PAFAH1B3: variants seen among roughly 807,000 people sequenced by gnomAD.
PAFAH1B3 encodes platelet-activating factor acetylhydrolase IB subunit alpha1.
A neutral mutation model predicts 24.4 loss-of-function variants in PAFAH1B3; 15 were observed. The observed-to-expected ratio is 0.62, with a 90% confidence interval of 0.41 to 0.95. PAFAH1B3 has a LOEUF of 0.95. PAFAH1B3 is among the 40% of genes least tolerant of loss of function. The pLI, the probability that PAFAH1B3 is intolerant of heterozygous loss-of-function variation, is 0.00. For synonymous variants in PAFAH1B3, 144 were observed against 126.5 expected (o/e 1.14, Z -0.93); for missense variants, 266 against 312.2 (o/e 0.85, Z 1.12).
chr19:42,299,117 G>A (rs1026388404), intron 4 of PAFAH1B3, among the ~76,000 whole-genome samples: 2 of 145,846 alleles, frequency 1.4e-5, no homozygotes, highest in Admixed American at 6.9e-5. Context: ...CACCGCACCC[G>A]GCTTTTTTTT....
intron 4 of PAFAH1B3, among the ~76,000 whole-genome samples, chr19:42,298,906 C>T (rs372170219): frequency 6.4e-4 from 97 of 151,632 alleles, no homozygotes; most frequent in African/African-American, 2.2e-3. Flanking sequence ...CTCCGCCCCC[C>T]GGGTTCATGC....
rs2038537259 is a variant in PAFAH1B3, at chr19:42,297,174, G to A, written c.600C>T (p.Gly200=). 3 of 1,614,010 alleles carry A rather than the reference G, an allele frequency of 1.9e-6. No homozygotes were observed. The highest frequency in any genetic ancestry group is 2.7e-5 in the African/African-American group (2 of 74,920). Reference sequence around the variant, plus strand: ...GCAGAGCCCGGCAAACAGGTGTGTAGCCCAGGCGGCTCAGATGCAGGTAAT... The same window carrying A: ...GCAGAGCCCGGCAAACAGGTGTGTAACCCAGGCGGCTCAGATGCAGGTAAT... ...MYDYLHLSRL[G]YTPVCRALHS... Residue 200 remains glycine, a synonymous_variant, in exon 5 of 5, where the codon GGC becomes GGT. Coordinates refer to ENST00000262890, the MANE Select transcript of PAFAH1B3 (RefSeq NM_002573.4).
At chr19:42,302,066 A>G in intron 1 of PAFAH1B3, 27 bp from the exon 2 acceptor site, 1 of 1,552,466 alleles carries the variant, frequency 6.4e-7, no homozygotes, top group Non-Finnish European at 8.7e-7. Flanking sequence ...GAGGGAGTCA[A>G]TGGCATGCAC....
intron 2 of PAFAH1B3, among the ~76,000 whole-genome samples, chr19:42,300,878 G>A (rs568431044): frequency 1.1e-3 from 167 of 152,122 alleles, no homozygotes; most frequent in Non-Finnish European, 2.0e-3. Flanking sequence ...GCAGTAGTGC[G>A]ATCTCGGCTC....
chr19:42,301,243 A>G (rs1406269431), intron 2 of PAFAH1B3, among the ~76,000 whole-genome samples: 1 of 152,180 alleles, frequency 6.6e-6, no homozygotes, highest in Non-Finnish European at 1.5e-5. Flanking sequence ...AAAAATTACA[A>G]AAATTAGCCA....
chr19:42,302,599 AC>A lies in PAFAH1B3; in HGVS notation c.-291del. The A allele has an allele frequency of 2.7e-6, 1 of 373,964 alleles. No homozygotes were observed. The highest frequency in any genetic ancestry group is 4.9e-6 in the Non-Finnish European group (1 of 203,862). The allele number at this position is 373,964 out of a possible 1,614,324, so 23.2% of individuals were successfully genotyped here. A position where few individuals can be genotyped will look rare whatever the true frequency, so the allele number is the denominator to read the frequency against. On this transcript the variant is annotated 5_prime_UTR_variant, in exon 1 of 5. Coordinates refer to ENST00000262890, the MANE Select transcript of PAFAH1B3 (RefSeq NM_002573.4). ...CGGGCCGCTGACTCCCAGGCCGCGC[AC>A]CCGGCACGGGGTGGGGGGAGGGAGA... is the stretch of plus-strand genomic sequence containing the variant.
intron 4 of PAFAH1B3, 109 bp from the exon 5 acceptor site, chr19:42,297,474 C>A: frequency 2.5e-6 from 1 of 403,966 alleles, no homozygotes; most frequent in Admixed American, 3.5e-5. Context: ...GCAGAAAACA[C>A]TAGGGATGGG....
chr19:42,300,223 T>C lies in PAFAH1B3; in HGVS notation c.233A>G (p.Gln78Arg). The C allele has an allele frequency of 6.2e-7, 1 of 1,614,186 alleles. No individual in the cohort carries two copies. The highest frequency in any genetic ancestry group is 1.1e-5 in the South Asian group (1 of 91,086). Reference sequence around the variant, plus strand: ...ATTCTCCAGCCGCCACAGTACATGCTGTGTGCCGTCACCACCAATGCCAAA... The same window carrying C: ...ATTCTCCAGCCGCCACAGTACATGCCGTGTGCCGTCACCACCAATGCCAAA... ...LNFGIGGDGT[Q>R]HVLWRLENGE... Residue 78 changes from glutamine (Q) to arginine (R), a missense_variant, in exon 3 of 5, where the codon CAG becomes CGG. Gln to Arg is a conservative substitution (Grantham distance 43). Transcript: ENST00000262890.
chr19:42,299,119 C>CTT (rs530974632), intron 4 of PAFAH1B3, among the ~76,000 whole-genome samples: 16 of 134,632 alleles, frequency 1.2e-4, no homozygotes, highest in South Asian at 4.7e-4. Flanking sequence ...CCGCACCCGG[C>CTT]TTTTTTTTTT....
Position 42,297,093 on chromosome 19 carries a change from C to T in PAFAH1B3, c.681G>A (p.Leu227=). 6.2e-7 allele frequency: 1 copy of T among 1,602,730 alleles called. No individual in the cohort carries two copies. The highest frequency in any genetic ancestry group is 1.3e-5 in the African/African-American group (1 of 74,884). Residue 227 remains leucine (L), a synonymous_variant, in exon 5 of 5, where the codon CTG becomes CTA. Transcript: ENST00000262890. ...AGCAGGATGCTTAGGGTGCGGGCTC[C>T]AGCAGGGGAGCACCTTGGCCCTGGT... ...AQDQGQGAPL[L]EPAP
At chr19:42,299,429 ATT>A (rs891377672) in intron 4 of PAFAH1B3, among the ~76,000 whole-genome samples, 1 of 110,320 alleles carries the variant, frequency 9.1e-6, no homozygotes. Context: ...TGCCCAACTA[ATT>A]TTTTTTTTTT....
At position 42,302,457 on chromosome 19, in the gene PAFAH1B3, T is replaced by C; in HGVS notation, c.-148A>G. On this transcript the variant is annotated 5_prime_UTR_variant, in exon 1 of 5. Transcript: ENST00000262890. The stretch of plus-strand genomic sequence containing the variant: ...CACACCCGCGGAGGACGAAGGCCGA[T>C]ACAGGGCGCCGCCTCCTCTCCAGGG... 1 of 672,824 alleles carries C rather than the reference T, an allele frequency of 1.5e-6. No homozygotes were observed. The highest frequency in any genetic ancestry group is 1.9e-5 in the South Asian group (1 of 51,536). The allele number at this position is 672,824 out of a possible 1,614,324, so 41.7% of individuals were successfully genotyped here.
Position 42,302,277 on chromosome 19 carries a change from G to C in PAFAH1B3, c.33C>G (p.Pro11=). 1.2e-6 allele frequency: 2 copies of C among 1,607,172 alleles called. No homozygotes were observed. The highest frequency in any genetic ancestry group is 1.7e-6 in the Non-Finnish European group (2 of 1,177,500). The change falls in exon 1 of 5, where the codon CCC becomes CCG. Residue 11 remains proline (P), a synonymous_variant. Transcript: ENST00000262890. ...CGCCCTGTACGTCCTGCACCGGCGTGGGCTTGCTGGCTGGGTTCTCCTCTC... is the reference window on the plus strand; with the variant it reads ...CGCCCTGTACGTCCTGCACCGGCGTCGGCTTGCTGGCTGGGTTCTCCTCTC... The part of the protein sequence containing the change: MSGEENPASK[P]TPVQDVQGDG...
Position 42,297,221 on chromosome 19 carries a change from T to C in PAFAH1B3, c.553A>G (p.Ile185Val), listed in dbSNP as rs772476066. Residue 185 changes from isoleucine (I) to valine (V), a missense_variant, in exon 5 of 5, where the codon ATC becomes GTC. By Grantham distance (29) the Ile-to-Val change is conservative (BLOSUM62 3). Transcript: ENST00000262890. ...DPGFVHSDGT[I>V]SHHDMYDYLH... Reference sequence around the variant, plus strand: ...TAATCATACATGTCATGATGGCTGATGGTGCCATCTGAGTGCACAAAGCCA... The same window carrying C: ...TAATCATACATGTCATGATGGCTGACGGTGCCATCTGAGTGCACAAAGCCA... 2 of 1,614,138 alleles carry C rather than the reference T, an allele frequency of 1.2e-6. No homozygotes were observed. Among genetic ancestry groups the C allele is most frequent in the Non-Finnish European group, 8.5e-7 (1 of 1,180,028 alleles).
chr19:42,299,875 A>G, intron 4 of PAFAH1B3, 95 bp downstream of exon 4: 4 of 1,511,156 alleles, frequency 2.6e-6, no homozygotes, highest in Non-Finnish European at 1.8e-6. Context: ...CCACTGCTCT[A>G]TGTCAAGCTG....
At chr19:42,301,260 T>C (rs887164292) in intron 2 of PAFAH1B3, among the ~76,000 whole-genome samples, 1 of 152,112 alleles carries the variant, frequency 6.6e-6, no homozygotes, top group South Asian at 2.1e-4. Flanking sequence ...GCCAGGTGCA[T>C]GGTGATGTGC....
intron 1 of PAFAH1B3, 62 bp downstream of exon 1, chr19:42,302,170 C>G (rs190317899): frequency 6.6e-7 from 1 of 1,511,178 alleles, no homozygotes; most frequent in African/African-American, 1.4e-5. Context: ...ACGAACCAGC[C>G]GTTCTCCTGA....
rs1325940579 is a variant in PAFAH1B3 at position 42,297,273 on chromosome 19, A to G, written c.501T>C (p.Pro167=). Residue 167 remains proline (P), a synonymous_variant, in exon 5 of 5, where the codon CCT becomes CCC. Coordinates refer to ENST00000262890, the MANE Select transcript of PAFAH1B3 (RefSeq NM_002573.4). ...ELVRAALAGH[P]RAHFLDADPG... is the part of the protein sequence containing the mutation. The stretch of plus-strand genomic sequence containing the variant: ...GGTCGGCATCTAGGAAGTGGGCCCG[A>G]GGGTGGCCAGCCAGTGCCGCCCGTA... 6.2e-7 allele frequency: 1 copy of G among 1,614,014 alleles called. No homozygotes were observed. Among genetic ancestry groups the G allele is most frequent in the Non-Finnish European group, 8.5e-7 (1 of 1,180,016 alleles).
intron 4 of PAFAH1B3, 59 bp downstream of exon 4, chr19:42,299,911 T>C (rs2038591286): frequency 1.2e-6 from 2 of 1,606,882 alleles, no homozygotes; most frequent in Non-Finnish European, 1.7e-6. Flanking sequence ...ACTGTGGCTA[T>C]ATCTGAGGGG....
Sources: allele counts gnomAD v4.1 joint callset (sites outside exome capture counted in the v4.1 genomes callset), GRCh38; gene constraint gnomAD v4.1.1; transcripts MANE v1.5; gene names NCBI Gene and HGNC (gene_info 2026-07-23, HGNC 2026-07-21).